XXYLT1: variants seen among roughly 807,000 people sequenced by gnomAD.
XXYLT1 encodes UDP-xylose:alpha-xyloside alpha-1,3-xylosyltransferase.
Under a neutral mutation model 28.9 loss-of-function variants are expected in XXYLT1, and 20 were observed. The observed-to-expected ratio is 0.69, with a 90% confidence interval of 0.49 to 1.00. The LOEUF is 1.00. Ranked by LOEUF, XXYLT1 falls within the 50% of genes least tolerant of loss-of-function variation. The pLI is 0.00. For missense variants in XXYLT1, 542 were observed against 560.1 expected (o/e 0.97, Z 0.33); for synonymous variants, 257 against 253.8 (o/e 1.01, Z -0.12).
chr3:195,270,903 G>C lies in XXYLT1; in HGVS notation c.156C>G (p.Thr52=). 6.8e-7 allele frequency: 1 copy of C among 1,475,934 alleles called. No individual in the cohort carries two copies. Among genetic ancestry groups the C allele is most frequent in the Non-Finnish European group, 9.0e-7 (1 of 1,115,202 alleles). 91.4% of individuals were successfully genotyped at this position (1,475,934 alleles called of 1,614,324 possible). A position where few individuals can be genotyped will look rare whatever the true frequency, so the allele number is the denominator to read the frequency against. Residue 52 remains threonine (T), a synonymous_variant, in exon 1 of 4, where the codon ACC becomes ACG. Coordinates refer to ENST00000310380, the MANE Select transcript of XXYLT1 (RefSeq NM_152531.5). ...GSGRETFSSA[T]KRLKEARAGA... is the part of the protein sequence containing the mutation. ...CGGCGCGGGCCTCCTTCAGCCTCTT[G>C]GTGGCGCTGGAGAAGGTCTCCCGGC...
At chr3:195,155,397 G>T (rs543808806) in intron 3 of XXYLT1, among the ~76,000 whole-genome samples, 1 of 152,164 alleles carries the variant, frequency 6.6e-6, no homozygotes, top group African/African-American at 2.4e-5. Context: ...AGCCCTTTCC[G>T]AACAAACTCG....
chr3:195,132,958 G>C (rs987620860), intron 3 of XXYLT1, among the ~76,000 whole-genome samples: 1 of 152,172 alleles, frequency 6.6e-6, no homozygotes, highest in Non-Finnish European at 1.5e-5. Context: ...TATTCTGATG[G>C]ACTAGATTTT....
At chr3:195,268,859 C>A (rs1725928243) in intron 1 of XXYLT1, among the ~76,000 whole-genome samples, 1 of 152,166 alleles carries the variant, frequency 6.6e-6, no homozygotes, top group Admixed American at 6.5e-5. Context: ...GCTGGATCTA[C>A]CCCTGGGCCA....
Position 195,069,759 on chromosome 3 carries a change from T to G in XXYLT1, c.1138A>C (p.Lys380Gln). ...EAYFRCEGHVKIYHGNCNTPI... is the reference protein window; with the variant it reads ...EAYFRCEGHVQIYHGNCNTPI... ...GTGTTGCAGTTCCCGTGGTAGATCT[T>G]GACGTGGCCCTCACACCTGAAATAG... The change falls in exon 4 of 4, where the codon AAG (lysine) becomes CAG (glutamine). Residue 380 changes from lysine to glutamine, a missense_variant. Physicochemically the swap from Lys to Gln is moderately conservative, Grantham distance 53. Coordinates refer to ENST00000310380, the MANE Select transcript of XXYLT1 (RefSeq NM_152531.5). 3.7e-6 allele frequency: 6 copies of G among 1,613,970 alleles called. No individual in the cohort carries two copies. Among genetic ancestry groups the G allele is most frequent in the Non-Finnish European group, 5.1e-6 (6 of 1,180,002 alleles).
At chr3:195,178,853 G>C (rs1319891067) in intron 2 of XXYLT1, among the ~76,000 whole-genome samples, 1 of 152,222 alleles carries the variant, frequency 6.6e-6, no homozygotes, top group Non-Finnish European at 1.5e-5. Flanking sequence ...AAGGAAATAG[G>C]CTTCTTCATT....
intron 2 of XXYLT1, among the ~76,000 whole-genome samples, chr3:195,211,352 C>T (rs1560154343): frequency 6.6e-6 from 1 of 152,194 alleles, no homozygotes; most frequent in Non-Finnish European, 1.5e-5. Flanking sequence ...AAGATCGAGC[C>T]TCTGCACTCC....
chr3:195,233,041 T>G (rs1724366865), intron 1 of XXYLT1, among the ~76,000 whole-genome samples: 1 of 152,220 alleles, frequency 6.6e-6, no homozygotes, highest in Non-Finnish European at 1.5e-5. Context: ...TAATATTTGC[T>G]TTATATATCT....
At position 195,271,149 on chromosome 3, in the gene XXYLT1, G is replaced by T; in HGVS notation, c.-91C>A. ...GGCGGCCACTTAGCCCCGGCGCCAG[G>T]CGGCGGCCATGAAAGGGGCGGGGCC... is the stretch of plus-strand genomic sequence containing the variant. On this transcript the variant is annotated 5_prime_UTR_variant, in exon 1 of 4. Coordinates refer to ENST00000310380, the MANE Select transcript of XXYLT1 (RefSeq NM_152531.5). 2.3e-5 allele frequency: 29 copies of T among 1,253,510 alleles called. No individual in the cohort carries two copies. The highest frequency in any genetic ancestry group is 2.9e-5 in the Non-Finnish European group (29 of 999,856). 77.6% of individuals were successfully genotyped at this position (1,253,510 alleles called of 1,614,324 possible). A position where few individuals can be genotyped will look rare whatever the true frequency, so the allele number is the denominator to read the frequency against.
At chr3:195,233,457 A>AT (rs1398165944) in intron 1 of XXYLT1, among the ~76,000 whole-genome samples, 4 of 151,856 alleles carry the variant, frequency 2.6e-5, no homozygotes, top group Non-Finnish European at 2.9e-5. Context: ...AGTAAAGGTG[A>AT]TTTTCTCTGG....
At chr3:195,259,764 C>T (rs1460666229) in intron 1 of XXYLT1, 1 of 762,720 alleles carries the variant, frequency 1.3e-6, no homozygotes, top group Admixed American at 6.3e-5. Context: ...AAATTCCCCA[C>T]CGGCGCCAGG....
intron 3 of XXYLT1, chr3:195,148,075 T>A (rs554307190): frequency 6.6e-6 from 1 of 152,268 alleles, no homozygotes; most frequent in Non-Finnish European, 1.5e-5. Context: ...ATCCCGGAGC[T>A]CCTAGCCTGC....
At chr3:195,217,023 A>C (rs1393387493) in intron 2 of XXYLT1, among the ~76,000 whole-genome samples, 1 of 134,972 alleles carries the variant, frequency 7.4e-6, no homozygotes, top group Non-Finnish European at 1.5e-5. Flanking sequence ...CAAATCAATA[A>C]ATGTAATCCA....
chr3:195,132,219 G>C (rs148396005), intron 3 of XXYLT1, among the ~76,000 whole-genome samples: 1 of 152,354 alleles, frequency 6.6e-6, no homozygotes, highest in African/African-American at 2.4e-5. Context: ...CTAAAATGGG[G>C]ATAGAAATAG....
At chr3:195,230,619 T>C (rs116167194) in intron 1 of XXYLT1, among the ~76,000 whole-genome samples, 9,448 of 152,210 alleles carry the variant, frequency 0.062, 1,007 homozygotes, top group African/African-American at 0.21. Flanking sequence ...TTTCCCAGCT[T>C]CATTTATTAA....
At chr3:195,205,008 A>G (rs1051735479) in intron 2 of XXYLT1, among the ~76,000 whole-genome samples, 2 of 152,232 alleles carry the variant, frequency 1.3e-5, no homozygotes, top group Admixed American at 6.5e-5. Flanking sequence ...GGAGGGAGAG[A>G]GGACCTCTGG....
rs906048228 is a variant in XXYLT1, at chr3:195,115,314, C to G, written c.785+41135G>C. On this transcript the variant is annotated intron_variant, in intron 3 of 3. Transcript: ENST00000310380. The surrounding 1 kb of genome is among the most constrained non-coding windows in gnomAD (Gnocchi z 4.2). ...GCAGTGGTGGTGATTTCTGTCCAAA[C>G]TCCATAATCCTCAGACCTCAACTTA... Among the ~76,000 whole-genome samples, 1 of 152,160 alleles carries G rather than the reference C, an allele frequency of 6.6e-6. No homozygotes were observed. The highest frequency in any genetic ancestry group is 2.4e-5 in the African/African-American group (1 of 41,424).
chr3:195,141,961 A>G (rs1719516733), intron 3 of XXYLT1, among the ~76,000 whole-genome samples: 1 of 152,256 alleles, frequency 6.6e-6, no homozygotes, highest in African/African-American at 2.4e-5. Flanking sequence ...GGAAAACAAA[A>G]TCTCTTTGTG....
At chr3:195,088,243 A>G (rs981897029) in intron 3 of XXYLT1, among the ~76,000 whole-genome samples, 71 of 151,342 alleles carry the variant, frequency 4.7e-4, no homozygotes, top group Non-Finnish European at 8.7e-4. Flanking sequence ...GGCACAGACA[A>G]ACAAAAAGAC....
chr3:195,230,374 A>G (rs1414625521), intron 1 of XXYLT1, among the ~76,000 whole-genome samples: 1 of 152,162 alleles, frequency 6.6e-6, no homozygotes, highest in African/African-American at 2.4e-5. Flanking sequence ...ACTGTGCAGA[A>G]GCTTTTCAAC....
Sources: gnomAD v4.1 joint callset for allele counts (sites outside exome capture counted in the v4.1 genomes callset) on GRCh38, gnomAD v4.1.1 for gene constraint, Gnocchi (gnomAD v3.1) non-coding constraint, MANE v1.5 for transcripts, NCBI Gene and HGNC (gene_info 2026-07-23, HGNC 2026-07-21) for gene names.